FRMD4B: variants seen among roughly 807,000 people sequenced by gnomAD.
FRMD4B encodes FERM domain containing 4B, also known as FERM domain-containing protein 4B.
FRMD4B carries 74 observed loss-of-function variants against 141.5 expected under a neutral mutation model. That is an observed-to-expected ratio of 0.52 (90% CI 0.43 to 0.63). The LOEUF is 0.63. Ranked by LOEUF, FRMD4B falls within the 30% of genes least tolerant of loss-of-function variation. The pLI, the probability that FRMD4B is intolerant of heterozygous loss-of-function variation, is 0.00. For missense variants in FRMD4B, 1,366 were observed against 1,253.4 expected, an observed-to-expected ratio of 1.09 and a Z score of -1.36; for synonymous variants, 506 against 467.9, an observed-to-expected ratio of 1.08 and a Z score of -1.05.
chr3:69,304,750 G>A (rs537041412), intron 3 of FRMD4B, among the ~76,000 whole-genome samples: 168 of 152,184 alleles, frequency 1.1e-3, no homozygotes, highest in Non-Finnish European at 2.0e-3. Flanking sequence ...AATTCCCAGA[G>A]GGCATAGACC....
At chr3:69,253,022 G>A (rs2093472543) in intron 5 of FRMD4B, among the ~76,000 whole-genome samples, 1 of 152,022 alleles carries the variant, frequency 6.6e-6, no homozygotes, top group Admixed American at 6.6e-5. Flanking sequence ...CCGGGTTCAG[G>A]TGCCACACAG....
At chr3:69,498,696 A>G (rs536130306) in intron 1 of FRMD4B, among the ~76,000 whole-genome samples, 1 of 152,332 alleles carries the variant, frequency 6.6e-6, no homozygotes, top group South Asian at 2.1e-4. Context: ...GTAAATAAAC[A>G]CTTAGCAGAC....
chr3:69,266,483 G>A (rs904319683), intron 5 of FRMD4B, among the ~76,000 whole-genome samples: 9 of 152,084 alleles, frequency 5.9e-5, no homozygotes, highest in Non-Finnish European at 1.2e-4. Flanking sequence ...CTGCCACCAC[G>A]CCTGGCTAAT....
intron 1 of FRMD4B, among the ~76,000 whole-genome samples, chr3:69,488,650 C>A (rs1277578621): frequency 6.6e-6 from 1 of 151,896 alleles, no homozygotes; most frequent in Non-Finnish European, 1.5e-5. Context: ...CACTTGTAAT[C>A]CCAGCACTTT....
At chr3:69,361,516 C>A (rs1703469946) in intron 1 of FRMD4B, among the ~76,000 whole-genome samples, 1 of 152,176 alleles carries the variant, frequency 6.6e-6, no homozygotes, top group Non-Finnish European at 1.5e-5. Flanking sequence ...TTCCCTACCT[C>A]CCATAACAAC....
intron 1 of FRMD4B, among the ~76,000 whole-genome samples, chr3:69,372,284 C>T (rs899852575): frequency 5.9e-5 from 9 of 152,192 alleles, no homozygotes; most frequent in Non-Finnish European, 8.8e-5. Flanking sequence ...AAGGGCAGGG[C>T]CTACCTCTGT....
intron 1 of FRMD4B, among the ~76,000 whole-genome samples, chr3:69,315,359 A>T (rs190846348): frequency 3.4e-4 from 52 of 152,236 alleles, no homozygotes; most frequent in African/African-American, 1.2e-3. Context: ...ATTTTCAGAT[A>T]TATATTTACA....
At chr3:69,526,510 G>T (rs1379445575) in intron 1 of FRMD4B, among the ~76,000 whole-genome samples, 1 of 152,150 alleles carries the variant, frequency 6.6e-6, no homozygotes, top group Non-Finnish European at 1.5e-5. Context: ...GGAGGCAACA[G>T]GCTGGCACCA....
intron 1 of FRMD4B, among the ~76,000 whole-genome samples, chr3:69,461,560 G>T (rs1705707363): frequency 7.8e-6 from 1 of 127,446 alleles, no homozygotes; most frequent in Non-Finnish European, 1.6e-5. Flanking sequence ...GGAGTTTGAG[G>T]CCATAGTGAG....
At chr3:69,341,028 T>C (rs573780386) in intron 1 of FRMD4B, among the ~76,000 whole-genome samples, 248 of 152,370 alleles carry the variant, frequency 1.6e-3, no homozygotes, top group African/African-American at 5.7e-3. Flanking sequence ...TGCATATTCA[T>C]TTTATAAAAA....
rs1322219378 is a variant in FRMD4B, at chr3:69,181,452, T to G, written c.2298A>C (p.Ser766=). Residue 766 remains serine (S), a synonymous_variant, in exon 21 of 23, where the codon TCA becomes TCC. Coordinates refer to ENST00000398540, the MANE Select transcript of FRMD4B (RefSeq NM_015123.3). ...TTGAAGTAGAAACATTCTGTTTCTT[T>G]GACCTCCTCCGACCCCTGGTGCGAG... ...LDTRTRGRRR[S]KKQNVSTSNS... is the part of the protein sequence containing the mutation. 2 of 1,613,840 alleles carry G rather than the reference T, an allele frequency of 1.2e-6. No individual in the cohort carries two copies. The highest frequency in any genetic ancestry group is 1.7e-6 in the Non-Finnish European group (2 of 1,179,860).
rs532743851 is a variant in FRMD4B, at chr3:69,508,457, G to T, written c.-129+33749C>A. ...TGGGACAAATTACATGGCTTCCAACGTGGTTGCTCCAGCTATTATTTCTTT... is the reference window on the plus strand; with the variant it reads ...TGGGACAAATTACATGGCTTCCAACTTGGTTGCTCCAGCTATTATTTCTTT... On this transcript the variant is annotated intron_variant, in intron 1 of 5. Coordinates refer to the FRMD4B transcript ENST00000459638. Among the ~76,000 whole-genome samples, 11 of 152,238 alleles carry T rather than the reference G, an allele frequency of 7.2e-5. 1 individual carries two copies. In the East Asian group the frequency reaches 1.9e-3, roughly 27 times the overall value.
intron 11 of FRMD4B, among the ~76,000 whole-genome samples, chr3:69,205,622 G>A (rs182067263): frequency 3.3e-5 from 5 of 152,220 alleles, no homozygotes; most frequent in Non-Finnish European, 5.9e-5. Context: ...GACATTTTTG[G>A]TTAACACACT....
chr3:69,257,781 C>T (rs1264669886), intron 5 of FRMD4B, among the ~76,000 whole-genome samples: 1 of 152,000 alleles, frequency 6.6e-6, no homozygotes, highest in Non-Finnish European at 1.5e-5. Context: ...CCCACCTCAG[C>T]CTCCTGAGTA....
chr3:69,519,459 C>A (rs1482339161), intron 1 of FRMD4B, among the ~76,000 whole-genome samples: 1 of 152,042 alleles, frequency 6.6e-6, no homozygotes, highest in Non-Finnish European at 1.5e-5. Context: ...ACCAGGAATC[C>A]CCCTGTTGGA....
rs191803100 is a variant in FRMD4B at position 69,476,787 on chromosome 3, C to T, written c.-128-44026G>A. Among the ~76,000 whole-genome samples, 485 of 152,260 alleles carry T rather than the reference C, an allele frequency of 3.2e-3. 1 individual carries two copies. The highest frequency in any genetic ancestry group is 0.014 in the South Asian group (70 of 4,830). On this transcript the variant is annotated intron_variant, in intron 1 of 5. Transcript: ENST00000459638. ...GGGATGGCTTTGAATCTATAAATTA[C>T]CTTGGGCAGTATGGCTATTTTCACG...
intron 5 of FRMD4B, among the ~76,000 whole-genome samples, chr3:69,266,208 GA>G (rs113712658): frequency 0.037 from 5,220 of 140,578 alleles, 149 homozygotes; most frequent in East Asian, 0.11. Context: ...TCTCAAAAAA[GA>G]AAAAAAAAAG....
intron 1 of FRMD4B, among the ~76,000 whole-genome samples, chr3:69,444,163 A>G (rs1313578666): frequency 1.3e-5 from 2 of 152,102 alleles, no homozygotes; most frequent in Non-Finnish European, 2.9e-5. Context: ...TATCCTTGAA[A>G]AACCCTAGCG....
At chr3:69,452,048 G>A (rs1418867171) in intron 1 of FRMD4B, among the ~76,000 whole-genome samples, 1 of 152,236 alleles carries the variant, frequency 6.6e-6, no homozygotes, top group Admixed American at 6.5e-5. Context: ...GAGACACTGA[G>A]TTGTTCCTCT....
Sources: gnomAD v4.1 joint callset for allele counts (sites outside exome capture counted in the v4.1 genomes callset) on GRCh38, gnomAD v4.1.1 for gene constraint, MANE v1.5 for transcripts, NCBI Gene and HGNC (gene_info 2026-07-23, HGNC 2026-07-21) for gene names.